Variants in CRYAB observed in about 807,000 individuals in gnomAD.
CRYAB encodes the protein alpha-crystallin B chain.
CRYAB carries 9 observed loss-of-function variants against 12.7 expected under a neutral mutation model. The ratio of observed to expected loss-of-function variants is 0.71; its 90% CI spans 0.43 to 1.24. The LOEUF is 1.24. CRYAB is among the 50% of genes most tolerant of loss of function. CRYAB has a pLI of 0.00. For missense variants in CRYAB, 183 were observed against 226.6 expected, an observed-to-expected ratio of 0.81 and a Z score of 1.24; for synonymous variants, 93 against 86.8, an observed-to-expected ratio of 1.07 and a Z score of -0.40.
chr11:111,913,381 C>T (rs556929117), upstream of CRYAB: 29 of 1,320,124 alleles, frequency 2.2e-5, no homozygotes, highest in African/African-American at 3.6e-4. Context: ...TTTCCCATTT[C>T]GCCCCTGTGC....
upstream of CRYAB, among the ~76,000 whole-genome samples, chr11:111,916,425 G>A (rs1965598860): frequency 6.6e-6 from 1 of 152,042 alleles, no homozygotes; most frequent in Non-Finnish European, 1.5e-5. Flanking sequence ...GTTTCGCCAT[G>A]TTGTCCAGGC....
upstream of CRYAB, among the ~76,000 whole-genome samples, chr11:111,917,807 C>T (rs1965621354): frequency 6.6e-6 from 1 of 151,502 alleles, no homozygotes; most frequent in African/African-American, 2.4e-5. Context: ...CCACTCAACT[C>T]CAGCCTGGGT....
upstream of CRYAB, chr11:111,912,514 C>G: frequency 6.3e-6 from 3 of 473,086 alleles, no homozygotes; most frequent in South Asian, 2.5e-5. Flanking sequence ...CTTCATGCCC[C>G]AGGCACCACC....
chr11:111,910,563 C>A (rs1965421509), intron 1 of CRYAB, 114 bp from the exon 2 acceptor site: 1 of 1,317,360 alleles, frequency 7.6e-7, no homozygotes, highest in Non-Finnish European at 1.1e-6. Context: ...TCATCCTTCT[C>A]TTCTCTGCTT....
upstream of CRYAB, chr11:111,912,266 C>T (rs1267075237): frequency 5.4e-5 from 10 of 186,066 alleles, no homozygotes; most frequent in Admixed American, 3.7e-4. Flanking sequence ...TCAGCACCAG[C>T]CATCTGCCTC....
intron 1 of CRYAB, among the ~76,000 whole-genome samples, chr11:111,922,733 G>T (rs1436915511): frequency 6.6e-6 from 1 of 151,882 alleles, no homozygotes; most frequent in Non-Finnish European, 1.5e-5. Flanking sequence ...CCTATTTTTT[G>T]CAATTTAAAT....
intron 1 of CRYAB, among the ~76,000 whole-genome samples, chr11:111,919,854 T>C (rs1170962917): frequency 1.3e-5 from 2 of 152,200 alleles, no homozygotes; most frequent in African/African-American, 4.8e-5. Flanking sequence ...CACTGCATAA[T>C]ATTGCCTCTT....
chr11:111,915,606 G>T (rs1164033642), upstream of CRYAB, among the ~76,000 whole-genome samples: 2 of 152,162 alleles, frequency 1.3e-5, no homozygotes, highest in African/African-American at 4.8e-5. Context: ...GGGTTTCCTA[G>T]CTATAAGAAA....
At chr11:111,920,087 C>T (rs1284109357) in intron 1 of CRYAB, among the ~76,000 whole-genome samples, 3 of 151,702 alleles carry the variant, frequency 2.0e-5, no homozygotes, top group South Asian at 2.1e-4. Flanking sequence ...CCCAGCTACT[C>T]GGGAGGCTGA....
chr11:111,919,306 C>G (rs901514949), intron 1 of CRYAB: 3 of 322,390 alleles, frequency 9.3e-6, no homozygotes, highest in Non-Finnish European at 1.8e-5. Context: ...AACCCCGTCT[C>G]TACTGAAAAT....
chr11:111,918,642 T>C (rs782430008), intron 1 of CRYAB: 23 of 675,170 alleles, frequency 3.4e-5, no homozygotes, highest in Non-Finnish European at 5.8e-5. Flanking sequence ...TGGAGAAGCA[T>C]TTCGTAAGGA....
intron 1 of CRYAB, chr11:111,918,903 C>G: frequency 6.3e-7 from 1 of 1,592,876 alleles, no homozygotes; most frequent in Non-Finnish European, 8.6e-7. Flanking sequence ...GAAAGCTCAA[C>G]CAGGAACCCG....
chr11:111,914,881 G>C (rs1364386094), upstream of CRYAB, among the ~76,000 whole-genome samples: 3 of 152,110 alleles, frequency 2.0e-5, no homozygotes, highest in African/African-American at 7.2e-5. Flanking sequence ...TAAGAGACCA[G>C]CCTGGGCAAT....
chr11:111,917,687 T>A (rs587620324), upstream of CRYAB, among the ~76,000 whole-genome samples: 90 of 151,834 alleles, frequency 5.9e-4, 1 homozygote, highest in Middle Eastern at 3.4e-3. Flanking sequence ...AAAGATTTTT[T>A]TTTTTTTAAT....
At chr11:111,914,104 C>T, upstream of CRYAB, 1 of 569,324 alleles carries the variant, frequency 1.8e-6, no homozygotes. Context: ...CTTGTTTGTA[C>T]TGCTCCCTAT....
upstream of CRYAB, among the ~76,000 whole-genome samples, chr11:111,917,218 A>G (rs1965609721): frequency 6.6e-6 from 1 of 152,170 alleles, no homozygotes; most frequent in African/African-American, 2.4e-5. Context: ...ACTAAAAAGG[A>G]ACCAGATTAT....
At chr11:111,922,501 A>C (rs1965716722) in intron 1 of CRYAB, among the ~76,000 whole-genome samples, 1 of 152,240 alleles carries the variant, frequency 6.6e-6, no homozygotes, top group Non-Finnish European at 1.5e-5. Context: ...TAAATAAAGC[A>C]CCCAGAGATG....
Position 111,911,718 on chromosome 11 carries a change from T to A in CRYAB, c.7A>T (p.Ile3Phe). The A allele has an allele frequency of 6.3e-7, 1 of 1,583,274 alleles. No homozygotes were observed. Among genetic ancestry groups the A allele is most frequent in the Non-Finnish European group, 8.6e-7 (1 of 1,164,494 alleles). Residue 3 changes from isoleucine (I) to phenylalanine (F), a missense_variant, in exon 1 of 3, where the codon ATC becomes TTC. Ile to Phe is a conservative substitution (Grantham distance 21). This residue lies in a region of CRYAB where 86 missense variants were observed against 96.1 expected (regional missense o/e 0.89). Transcript: ENST00000650687. MD[I>F]AIHHPWIRRP... Reference sequence around the variant, plus strand: ...CGGATCCAGGGGTGGTGGATGGCGATGTCCATGGTGGCTAGGTGAGTGTGA... The same window carrying A: ...CGGATCCAGGGGTGGTGGATGGCGAAGTCCATGGTGGCTAGGTGAGTGTGA...
upstream of CRYAB, chr11:111,913,392 C>T (rs367609134): frequency 4.1e-6 from 6 of 1,450,646 alleles, no homozygotes; most frequent in Non-Finnish European, 5.7e-6. Flanking sequence ...GCCCCTGTGC[C>T]AGCCTCATCC....
Sources: allele counts gnomAD v4.1 joint callset (sites outside exome capture counted in the v4.1 genomes callset), GRCh38; gene constraint gnomAD v4.1.1; regional missense constraint gnomAD v4.1.1; transcripts MANE v1.5; gene names NCBI Gene and HGNC (gene_info 2026-07-23, HGNC 2026-07-21).